LAMA3: variants seen among roughly 807,000 people sequenced by gnomAD.
LAMA3 encodes laminin subunit alpha-3.
In LAMA3, 281 loss-of-function variants were observed where a neutral mutation model predicts 402.0. The ratio of observed to expected loss-of-function variants is 0.70; its 90% CI spans 0.63 to 0.77. LAMA3 has a LOEUF of 0.77. LAMA3 is among the 30% of genes least tolerant of loss of function. The pLI is 0.00. For synonymous variants in LAMA3, 1,431 were observed against 1,558.4 expected (o/e 0.92, Z 1.93); for missense variants, 3,840 against 4,215.5 (o/e 0.91, Z 2.47).
At chr18:23,722,394 T>G (rs1232382262) in intron 2 of LAMA3, among the ~76,000 whole-genome samples, 3 of 152,220 alleles carry the variant, frequency 2.0e-5, no homozygotes, top group Non-Finnish European at 4.4e-5. Context: ...TGTGTGAACA[T>G]ATTCTTTTTG....
At position 23,904,694 on chromosome 18, in the gene LAMA3, G is replaced by T. The variant is rs958643483; in HGVS notation, c.6615G>T (p.Gln2205His). The change falls in exon 51 of 75, where the codon CAG becomes CAT. Residue 2205 changes from glutamine to histidine, a missense_variant and splice_region_variant. Around this residue, in one of 3 missense-constraint regions of LAMA3, gnomAD observed 891 missense variants for 857.5 expected, o/e 1.04. Transcript: ENST00000313654. The stretch of plus-strand genomic sequence containing the variant: ...CCAGTGCATCTGAATCTGCCCTCCA[G>T]GTGGGCACCTGTACCAGCAGCTTCT... ...RAASASESAL[Q>H]TVIKEDLPRK... 1 of 1,614,016 alleles carries T rather than the reference G, an allele frequency of 6.2e-7. No homozygotes were observed. Among genetic ancestry groups the T allele is most frequent in the Non-Finnish European group, 8.5e-7 (1 of 1,180,010 alleles).
intron 32 of LAMA3, among the ~76,000 whole-genome samples, chr18:23,850,827 C>T (rs185292384): frequency 5.9e-5 from 9 of 152,316 alleles, no homozygotes; most frequent in Admixed American, 4.6e-4. Context: ...CTGTGTCAGA[C>T]GTGAGGAAGC....
chr18:23,855,271 C>A (rs2064046744), intron 32 of LAMA3, among the ~76,000 whole-genome samples: 1 of 152,218 alleles, frequency 6.6e-6, no homozygotes, highest in African/African-American at 2.4e-5. Context: ...GCAACACTGT[C>A]CCTCTGTGCG....
At chr18:23,807,359 T>C (rs1477892894) in intron 12 of LAMA3, among the ~76,000 whole-genome samples, 3 of 152,144 alleles carry the variant, frequency 2.0e-5, no homozygotes, top group Admixed American at 2.0e-4. Context: ...CTTCTCTTGG[T>C]ACCAAAATCT....
At chr18:23,832,620 T>A (rs1226024876) in intron 23 of LAMA3, among the ~76,000 whole-genome samples, 1 of 152,150 alleles carries the variant, frequency 6.6e-6, no homozygotes, top group Non-Finnish European at 1.5e-5. Context: ...CAATTCCACT[T>A]CTAGGAATCT....
chr18:23,950,093 T>C lies in LAMA3; in HGVS notation c.9576T>C (p.Thr3192=), dbSNP rs772185116. 1 of 1,614,074 alleles carries C rather than the reference T, an allele frequency of 6.2e-7. No homozygotes were observed. The highest frequency in any genetic ancestry group is 2.2e-5 in the East Asian group (1 of 44,900). Residue 3192 remains threonine (T), a synonymous_variant, in exon 72 of 75, where the codon ACT becomes ACC. Coordinates refer to ENST00000313654, the MANE Select transcript of LAMA3 (RefSeq NM_198129.4). The stretch of plus-strand genomic sequence containing the variant: ...TCAGCATCCGCCCAAGAAGTCTCAC[T>C]GGGATCCTAATACACATCGGAAGTC... ...LVFSIRPRSL[T]GILIHIGSQP...
chr18:23,696,660 C>A (rs565490190), intron 1 of LAMA3, among the ~76,000 whole-genome samples: 1 of 152,114 alleles, frequency 6.6e-6, no homozygotes, highest in South Asian at 2.1e-4. Flanking sequence ...GTGAACACGC[C>A]CGGCTAATTT....
In LAMA3 at chr18:23,721,496, A is replaced by G. The variant is rs144312634; in HGVS notation, c.447+7424A>G. On this transcript the variant is annotated intron_variant, in intron 2 of 74. Coordinates refer to ENST00000313654, the MANE Select transcript of LAMA3 (RefSeq NM_198129.4). ...TTGTGTGGGCAAGACTAGAAGTGGC[A>G]CATCAGCTCAGTAGCTTCATATTGG... Among the ~76,000 whole-genome samples, 604 of 152,296 alleles carry G rather than the reference A, an allele frequency of 4.0e-3. 3 individuals carry two copies. The highest frequency in any genetic ancestry group is 0.02 in the Middle Eastern group (6 of 294).
At chr18:23,782,909 C>G (rs1177901886) in intron 11 of LAMA3, among the ~76,000 whole-genome samples, 2 of 151,876 alleles carry the variant, frequency 1.3e-5, no homozygotes, top group African/African-American at 4.8e-5. Flanking sequence ...TGTGCTGGCC[C>G]TGGGGGCCTG....
intron 2 of LAMA3, among the ~76,000 whole-genome samples, chr18:23,725,172 C>T (rs914504675): frequency 1.9e-4 from 29 of 151,838 alleles, no homozygotes; most frequent in East Asian, 1.7e-3. Flanking sequence ...TGCAGTGGCA[C>T]GATCTCGGTT....
At chr18:23,930,978 G>A in intron 64 of LAMA3, 84 bp from the exon 65 acceptor site, 2 of 1,315,152 alleles carry the variant, frequency 1.5e-6, no homozygotes, top group East Asian at 2.3e-5. Context: ...TTTTATACAT[G>A]GTTTGGATGA....
At chr18:23,752,364 A>G (rs2061768576) in intron 5 of LAMA3, among the ~76,000 whole-genome samples, 2 of 152,142 alleles carry the variant, frequency 1.3e-5, no homozygotes, top group East Asian at 1.9e-4. Context: ...GCAGTCATAT[A>G]TATCTATGTA....
chr18:23,823,944 G>A (rs1056112723), intron 20 of LAMA3, among the ~76,000 whole-genome samples: 2 of 152,158 alleles, frequency 1.3e-5, no homozygotes, highest in Non-Finnish European at 2.9e-5. Context: ...AGGCTGAAGT[G>A]GGAGGATTGC....
chr18:23,735,399 G>C (rs1351660360), intron 2 of LAMA3, among the ~76,000 whole-genome samples: 1 of 152,226 alleles, frequency 6.6e-6, no homozygotes, highest in Non-Finnish European at 1.5e-5. Flanking sequence ...GAGAGTTGTA[G>C]AGCTATGCGT....
At chr18:23,730,111 A>G (rs1409735199) in intron 2 of LAMA3, among the ~76,000 whole-genome samples, 1 of 152,194 alleles carries the variant, frequency 6.6e-6, no homozygotes, top group Non-Finnish European at 1.5e-5. Context: ...CCCTGGGATT[A>G]AGTTTCCCTC....
chr18:23,807,500 A>G (rs1350382155), intron 12 of LAMA3, among the ~76,000 whole-genome samples: 1 of 150,766 alleles, frequency 6.6e-6, no homozygotes, highest in Non-Finnish European at 1.5e-5. Context: ...CTGTGTGTGT[A>G]TGTGTGTGTA....
chr18:23,821,949 C>A (rs752918003), intron 19 of LAMA3, among the ~76,000 whole-genome samples: 9 of 152,136 alleles, frequency 5.9e-5, no homozygotes, highest in Non-Finnish European at 1.3e-4. Flanking sequence ...TTAAACTAGC[C>A]CATCTAATAC....
intron 24 of LAMA3, among the ~76,000 whole-genome samples, 160 bp from the exon 25 acceptor site, chr18:23,836,821 C>T (rs543310589): frequency 2.6e-5 from 4 of 152,308 alleles, no homozygotes; most frequent in African/African-American, 7.2e-5. Flanking sequence ...ATAGAGACTG[C>T]GAGCTGCATC....
chr18:23,915,397 A>G lies in LAMA3; in HGVS notation c.7753A>G (p.Thr2585Ala), dbSNP rs1306931123. The change falls in exon 59 of 75, where the codon ACA (threonine) becomes GCA (alanine). Residue 2585 changes from threonine to alanine, a missense_variant. This residue lies in a region of LAMA3 where 840 missense variants were observed against 981.9 expected (regional missense o/e 0.86). Coordinates refer to ENST00000313654, the MANE Select transcript of LAMA3 (RefSeq NM_198129.4). Reference sequence around the variant, plus strand: ...CTTCAAAAAAACATTCAATCTCAACACAACTGAAGTGGAGCCTTGTAGAAG... The same window carrying G: ...CTTCAAAAAAACATTCAATCTCAACGCAACTGAAGTGGAGCCTTGTAGAAG... ...YNFKKTFNLN[T>A]TEVEPCRRRK... 1.9e-6 allele frequency: 3 copies of G among 1,613,984 alleles called. No homozygotes were observed. The highest frequency in any genetic ancestry group is 2.5e-6 in the Non-Finnish European group (3 of 1,179,896).
Sources: allele counts gnomAD v4.1 joint callset (sites outside exome capture counted in the v4.1 genomes callset), GRCh38; gene constraint gnomAD v4.1.1; regional missense constraint gnomAD v4.1.1; transcripts MANE v1.5; gene names NCBI Gene and HGNC (gene_info 2026-07-23, HGNC 2026-07-21).